TOM1L2: variants seen among roughly 807,000 people sequenced by gnomAD.
TOM1L2 encodes the protein TOM1-like protein 2.
In TOM1L2, 31 loss-of-function variants were observed where a neutral mutation model predicts 67.9. The observed-to-expected ratio is 0.46, with a 90% CI of 0.34 to 0.62. The LOEUF (loss-of-function observed/expected upper bound fraction) is 0.62. Among genes scored for constraint, TOM1L2 ranks in the 20% least tolerant of loss-of-function variants. The pLI, the probability that TOM1L2 is intolerant of heterozygous loss-of-function variation, is 0.01. For missense variants in TOM1L2, 606 were observed against 663.5 expected (o/e 0.91, Z 0.95); for synonymous variants, 256 against 254.0 (o/e 1.01, Z -0.07).
chr17:17,942,758 C>T (rs2040786019), intron 1 of TOM1L2, among the ~76,000 whole-genome samples: 3 of 152,086 alleles, frequency 2.0e-5, no homozygotes, highest in South Asian at 4.1e-4. Context: ...TATAAGCAGT[C>T]ACATCAGCAC....
At chr17:17,953,688 CAT>C (rs1161597801) in intron 1 of TOM1L2, among the ~76,000 whole-genome samples, 1 of 152,218 alleles carries the variant, frequency 6.6e-6, no homozygotes, top group Non-Finnish European at 1.5e-5. Context: ...CATGAAGACA[CAT>C]GAGTGGGGGG....
At chr17:17,855,488 C>A (rs1355998762) in intron 12 of TOM1L2, among the ~76,000 whole-genome samples, 1 of 152,208 alleles carries the variant, frequency 6.6e-6, no homozygotes, top group Non-Finnish European at 1.5e-5. Flanking sequence ...GCAAAAAGAC[C>A]TCACACTAGA....
intron 1 of TOM1L2, among the ~76,000 whole-genome samples, chr17:17,920,105 T>C (rs1340106487): frequency 2.0e-5 from 3 of 152,272 alleles, no homozygotes; most frequent in African/African-American, 4.8e-5. Flanking sequence ...TCCTGATTTT[T>C]AGGTGAAGTC....
chr17:17,884,009 T>C (rs1353702951), intron 5 of TOM1L2, among the ~76,000 whole-genome samples: 1 of 152,086 alleles, frequency 6.6e-6, no homozygotes, highest in Non-Finnish European at 1.5e-5. Flanking sequence ...AGGCATGACC[T>C]ACATGCTTTT....
At chr17:17,920,630 G>A (rs868354523) in intron 1 of TOM1L2, among the ~76,000 whole-genome samples, 7 of 143,976 alleles carry the variant, frequency 4.9e-5, no homozygotes, top group African/African-American at 1.0e-4. Context: ...GAGCCACTGC[G>A]CCCGGCTTTT....
At chr17:17,949,396 G>A (rs1234564436) in intron 1 of TOM1L2, among the ~76,000 whole-genome samples, 1 of 152,188 alleles carries the variant, frequency 6.6e-6, no homozygotes, top group Non-Finnish European at 1.5e-5. Flanking sequence ...AGCCCCCAAG[G>A]AGGCCCAACT....
intron 2 of TOM1L2, among the ~76,000 whole-genome samples, chr17:17,900,652 A>G (rs2038809583): frequency 6.6e-6 from 1 of 152,172 alleles, no homozygotes; most frequent in African/African-American, 2.4e-5. Flanking sequence ...CCCTGTAGGA[A>G]TTCTTGGCCC....
At chr17:17,851,125 TGA>T in intron 12 of TOM1L2, 173 bp from the exon 13 acceptor site, 1 of 645,176 alleles carries the variant, frequency 1.5e-6, no homozygotes, top group East Asian at 2.8e-5. Flanking sequence ...CAGCCACGTG[TGA>T]GATGGCAGGT....
chr17:17,879,614 A>G lies in TOM1L2; in HGVS notation c.777+13T>C. On this transcript the variant is annotated intron_variant, in intron 7 of 14. Transcript: ENST00000379504. ...TGCCACCACAGGCCAAGTGCTTCTG[A>G]AAGATGACTCACCTGCAGCAACTCC... The G allele has an allele frequency of 6.2e-7, 1 of 1,607,172 alleles. No homozygotes were observed. Among genetic ancestry groups the G allele is most frequent in the Non-Finnish European group, 8.5e-7 (1 of 1,173,680 alleles).
chr17:17,861,155 G>A (rs143100611), intron 12 of TOM1L2, among the ~76,000 whole-genome samples: 3 of 152,304 alleles, frequency 2.0e-5, no homozygotes, highest in East Asian at 3.9e-4. Flanking sequence ...CAGGGGTTCT[G>A]GAAATGGACA....
chr17:17,893,761 A>T lies in TOM1L2; in HGVS notation c.266T>A (p.Val89Glu). 1 of 1,614,222 alleles carries T rather than the reference A, an allele frequency of 6.2e-7. No individual in the cohort carries two copies. Among genetic ancestry groups the T allele is most frequent in the Non-Finnish European group, 8.5e-7 (1 of 1,180,030 alleles). The change falls in exon 4 of 15, where the codon GTG becomes GAG. Residue 89 changes from valine to glutamate, a missense_variant. Coordinates refer to ENST00000379504, the MANE Select transcript of TOM1L2 (RefSeq NM_001082968.2). Reference sequence around the variant, plus strand: ...ACTGTCGATGAAATCTCGGTTGGCCACAAGGATGTGGAAGCGGTGGCCACA... The same window carrying T: ...ACTGTCGATGAAATCTCGGTTGGCCTCAAGGATGTGGAAGCGGTGGCCACA... ...KNCGHRFHIL[V>E]ANRDFIDSVL...
At chr17:17,899,450 A>G (rs1403500155) in intron 2 of TOM1L2, among the ~76,000 whole-genome samples, 1 of 152,266 alleles carries the variant, frequency 6.6e-6, no homozygotes, top group Non-Finnish European at 1.5e-5. Flanking sequence ...GCTCTGTCCA[A>G]AAGTTGGAGT....
At chr17:17,954,149 T>C (rs919607697) in intron 1 of TOM1L2, among the ~76,000 whole-genome samples, 1 of 152,138 alleles carries the variant, frequency 6.6e-6, no homozygotes, top group African/African-American at 2.4e-5. Context: ...GTCTAAACCA[T>C]GAGCAAGAGA....
Position 17,867,003 on chromosome 17 carries a change from G to A in TOM1L2, c.912-79C>T. On this transcript the variant is annotated intron_variant, in intron 8 of 14. Transcript: ENST00000379504. ...CCTGTGGGGTGCTCACTAGTCCTAT[G>A]AAGAATCCCTGGGACCAAGACCAGC... The A allele has an allele frequency of 4.3e-6, 6 of 1,396,470 alleles. No individual in the cohort carries two copies. The South Asian group carries it at 5.8e-5, about 13-fold the overall frequency. 86.5% of individuals were successfully genotyped at this position (1,396,470 alleles called of 1,614,324 possible). A position where few individuals can be genotyped will look rare whatever the true frequency, so the allele number is the denominator to read the frequency against.
At chr17:17,920,335 ATTTTT>A (rs771122365) in intron 1 of TOM1L2, among the ~76,000 whole-genome samples, 3 of 93,268 alleles carry the variant, frequency 3.2e-5, no homozygotes, top group South Asian at 3.2e-4. Context: ...AATGTTCAAT[ATTTTT>A]TTTTTTTTTT....
intron 4 of TOM1L2, among the ~76,000 whole-genome samples, chr17:17,887,245 G>A (rs567963447): frequency 6.6e-6 from 1 of 152,314 alleles, no homozygotes; most frequent in East Asian, 1.9e-4. Context: ...ACCCTTATCT[G>A]GGACCTCTGT....
intron 1 of TOM1L2, among the ~76,000 whole-genome samples, chr17:17,938,766 G>GGT (rs2040608502): frequency 6.9e-6 from 1 of 144,970 alleles, no homozygotes; most frequent in South Asian, 2.2e-4. Flanking sequence ...GGTTGAAAGG[G>GGT]TTTTTTTTTT....
At chr17:17,918,258 T>G (rs1207402444) in intron 1 of TOM1L2, among the ~76,000 whole-genome samples, 1 of 152,120 alleles carries the variant, frequency 6.6e-6, no homozygotes, top group Non-Finnish European at 1.5e-5. Context: ...TTCTTTTTTT[T>G]TTTGTTTTGT....
intron 7 of TOM1L2, among the ~76,000 whole-genome samples, chr17:17,875,750 T>A (rs894167983): frequency 5.9e-5 from 9 of 152,378 alleles, no homozygotes; most frequent in South Asian, 2.1e-4. Context: ...TAATCATCTT[T>A]ATGGATTTCC....
Sources: allele counts gnomAD v4.1 joint callset (sites outside exome capture counted in the v4.1 genomes callset), GRCh38; gene constraint gnomAD v4.1.1; transcripts MANE v1.5; gene names NCBI Gene and HGNC (gene_info 2026-07-23, HGNC 2026-07-21).